CD2BP2: variants seen among roughly 807,000 people sequenced by gnomAD.
The protein encoded by CD2BP2 is CD2 cytoplasmic tail binding protein 2, also known as CD2 antigen cytoplasmic tail-binding protein 2.
CD2BP2 carries 27 observed loss-of-function variants against 35.9 expected under a neutral mutation model. The ratio of observed to expected loss-of-function variants is 0.75; its 90% CI spans 0.55 to 1.04. The LOEUF (loss-of-function observed/expected upper bound fraction) is 1.04, where lower values mean the gene tolerates loss of function less well. Ranked by LOEUF, CD2BP2 falls within the 50% of genes least tolerant of loss-of-function variation. The probability of loss-of-function intolerance (pLI) is 0.00; values close to 1 mark genes in which losing one functional copy is unlikely to be tolerated. For synonymous variants in CD2BP2, 213 were observed against 173.5 expected (o/e 1.23, Z -1.79); for missense variants, 497 against 444.3 (o/e 1.12, Z -1.07).
chr16:30,354,384 C>T lies in CD2BP2; in HGVS notation c.79-62G>A, dbSNP rs565270549. On this transcript the variant is annotated intron_variant, in intron 2 of 6. Transcript: ENST00000305596. ...TACTGGCTACCTCCCCAAATACTTC[C>T]GGATCTGGACCCAAATATTCCCCAA... 9.7e-6 allele frequency: 15 copies of T among 1,551,854 alleles called. No individual in the cohort carries two copies. The East Asian group carries it at 2.9e-4, about 30-fold the overall frequency.
In CD2BP2 at chr16:30,352,433, A is replaced by C. The variant is rs1023122631; in HGVS notation, c.*552T>G. The C allele has an allele frequency of 2.6e-5, 4 of 154,856 alleles. No homozygotes were observed. Among genetic ancestry groups the C allele is most frequent in the African/African-American group, 9.7e-5 (4 of 41,410 alleles). The allele number at this position is 154,856 out of a possible 1,614,324, so 9.6% of individuals were successfully genotyped here. A position where few individuals can be genotyped will look rare whatever the true frequency, so the allele number is the denominator to read the frequency against. ...ACCTTAGGGATCTCGGTCTTGGGCC[A>C]CTCATCCCACTTCTGCCCAGCATCT... On this transcript the variant is annotated 3_prime_UTR_variant, in exon 7 of 7. Transcript: ENST00000305596.
intron 3 of CD2BP2, 46 bp from the exon 4 acceptor site, chr16:30,354,104 G>A (rs777125434): frequency 1.3e-6 from 2 of 1,596,506 alleles, no homozygotes; most frequent in Non-Finnish European, 1.7e-6. Context: ...GGAAAAAAGA[G>A]ACCGGAGCCT....
In CD2BP2 at chr16:30,354,687, G is replaced by C. The variant is rs371622721; in HGVS notation, c.-6C>G. ...GTCACTTTCCTCTTTGGCATGACGG[G>C]GCAAAGAGGTGTTTCTCAAGCTGAG... On this transcript the variant is annotated 5_prime_UTR_variant, in exon 2 of 7. Coordinates refer to ENST00000305596, the MANE Select transcript of CD2BP2 (RefSeq NM_006110.3). 6.2e-7 allele frequency: 1 copy of C among 1,613,744 alleles called. No individual in the cohort carries two copies. The highest frequency in any genetic ancestry group is 8.5e-7 in the Non-Finnish European group (1 of 1,179,758).
rs901293698 is a variant in CD2BP2, at chr16:30,351,816, C to G, written c.*1169G>C. The G allele has an allele frequency of 1.3e-5, 2 of 152,670 alleles. No homozygotes were observed. Among genetic ancestry groups the G allele is most frequent in the Non-Finnish European group, 2.9e-5 (2 of 68,404 alleles). 9.5% of individuals were successfully genotyped at this position (152,670 alleles called of 1,614,324 possible). A position where few individuals can be genotyped will look rare whatever the true frequency, so the allele number is the denominator to read the frequency against. On this transcript the variant is annotated 3_prime_UTR_variant, in exon 7 of 7. Coordinates refer to ENST00000305596, the MANE Select transcript of CD2BP2 (RefSeq NM_006110.3). The stretch of plus-strand genomic sequence containing the variant: ...GGCTCTCTCTCGGCCTGGCTGCAAG[C>G]TGAAAACACCTGGGGGCTTCCAAAA...
In CD2BP2 at chr16:30,355,273, G is replaced by A. The variant is rs960325488; in HGVS notation, c.-88C>T. 7 of 152,466 alleles carry A rather than the reference G, an allele frequency of 4.6e-5. No homozygotes were observed. The highest frequency in any genetic ancestry group is 8.8e-5 in the Non-Finnish European group (6 of 68,146). The allele number at this position is 152,466 out of a possible 1,614,324, so 9.4% of individuals were successfully genotyped here. On this transcript the variant is annotated 5_prime_UTR_variant, in exon 1 of 7. Coordinates refer to ENST00000305596, the MANE Select transcript of CD2BP2 (RefSeq NM_006110.3). Reference sequence around the variant, plus strand: ...AGATGCTTGCGCCAGGGCTACATCCGGGGCACCCGGCCGCCATCACCCGGA... The same window carrying A: ...AGATGCTTGCGCCAGGGCTACATCCAGGGCACCCGGCCGCCATCACCCGGA...
chr16:30,353,038 G>A lies in CD2BP2; in HGVS notation c.973C>T (p.Pro325Ser), dbSNP rs1420785374. The A allele has an allele frequency of 1.2e-6, 2 of 1,614,096 alleles. No individual in the cohort carries two copies. Among genetic ancestry groups the A allele is most frequent in the Non-Finnish European group, 1.7e-6 (2 of 1,179,992 alleles). ...DGVYCRKLDP[P>S]GGQFYNSKRI... ...TTGGAGTTGTAGAACTGACCACCAG[G>A]GGGGTCCAGCTTCCGGCAATAAACA... The change falls in exon 7 of 7, where the codon CCT (proline) becomes TCT (serine). Residue 325 changes from proline (P) to serine (S), a missense_variant. Transcript: ENST00000305596.
At chr16:30,354,362 T>C (rs1197260143) in intron 2 of CD2BP2, 40 bp from the exon 3 acceptor site, 1 of 1,593,664 alleles carries the variant, frequency 6.3e-7, no homozygotes, top group Non-Finnish European at 8.5e-7. Flanking sequence ...TGCAGGTTAC[T>C]GGCTACCTCC....
Position 30,353,115 on chromosome 16 carries a change from C to A in CD2BP2, c.916-20G>T, listed in dbSNP as rs772236118. The A allele has an allele frequency of 1.9e-6, 3 of 1,610,404 alleles. No homozygotes were observed. The highest frequency in any genetic ancestry group is 8.5e-7 in the Non-Finnish European group (1 of 1,176,728). On this transcript the variant is annotated intron_variant, in intron 6 of 6. Transcript: ENST00000305596. ...CCAGGTCTGCAAGGAGAGGGCAGAGCTGGGGAACAACTGACAGGAGTGGGG... is the reference window on the plus strand; with the variant it reads ...CCAGGTCTGCAAGGAGAGGGCAGAGATGGGGAACAACTGACAGGAGTGGGG...
rs779162344 is a variant in CD2BP2 at position 30,353,896 on chromosome 16, C to G, written c.375+5G>C. On this transcript the variant is annotated splice_donor_5th_base_variant and intron_variant, in intron 4 of 6. Coordinates refer to ENST00000305596, the MANE Select transcript of CD2BP2 (RefSeq NM_006110.3). ...GCCCCAGCCACGCCAGCCCCTGGGCCGCACCCAGTCAATGTTGTCCAGCCA... is the reference window on the plus strand; with the variant it reads ...GCCCCAGCCACGCCAGCCCCTGGGCGGCACCCAGTCAATGTTGTCCAGCCA... The G allele has an allele frequency of 1.2e-6, 2 of 1,613,760 alleles. No individual in the cohort carries two copies. Among genetic ancestry groups the G allele is most frequent in the Admixed American group, 1.7e-5 (1 of 60,024 alleles).
At position 30,353,566 on chromosome 16, in the gene CD2BP2, C is replaced by T. The variant is rs776922285; in HGVS notation, c.610G>A (p.Gly204Arg). 25 of 1,614,056 alleles carry T rather than the reference C, an allele frequency of 1.5e-5. No homozygotes were observed. Among genetic ancestry groups the T allele is most frequent in the Admixed American group, 1.5e-4 (9 of 60,006 alleles). Residue 204 changes from glycine (G) to arginine (R), a missense_variant, in exon 5 of 7, where the codon GGG becomes AGG. Transcript: ENST00000305596. ...SSPQRLDRLS[G>R]LADQMVARGN... Reference sequence around the variant, plus strand: ...CGGGCCACCATCTGGTCGGCCAACCCGGAGAGCCGGTCCAGGCGCTGAGGG... The same window carrying T: ...CGGGCCACCATCTGGTCGGCCAACCTGGAGAGCCGGTCCAGGCGCTGAGGG...
chr16:30,354,106 C>G, intron 3 of CD2BP2, 48 bp from the exon 4 acceptor site: 1 of 1,605,416 alleles, frequency 6.2e-7, no homozygotes, highest in African/African-American at 1.4e-5. Context: ...AAAAAAGAGA[C>G]CGGAGCCTCC....
intron 1 of CD2BP2, 140 bp from the exon 2 acceptor site, chr16:30,354,847 C>A: frequency 1.5e-6 from 1 of 685,176 alleles, no homozygotes; most frequent in Non-Finnish European, 2.6e-6. Context: ...CGAAAGGAAG[C>A]TGGCAGCCAG....
chr16:30,354,564 G>T, intron 2 of CD2BP2, 40 bp downstream of exon 2: 1 of 1,592,698 alleles, frequency 6.3e-7, no homozygotes, highest in Non-Finnish European at 8.6e-7. Flanking sequence ...CAGGCTTCTA[G>T]CTCCTCTTTC....
Position 30,352,716 on chromosome 16 carries a change from G to A in CD2BP2, c.*269C>T, listed in dbSNP as rs2049492152. The A allele has an allele frequency of 6.0e-6, 3 of 501,422 alleles. No individual in the cohort carries two copies. The highest frequency in any genetic ancestry group is 3.3e-5 in the Admixed American group (1 of 30,344). 31.1% of individuals were successfully genotyped at this position (501,422 alleles called of 1,614,324 possible). A position where few individuals can be genotyped will look rare whatever the true frequency, so the allele number is the denominator to read the frequency against. On this transcript the variant is annotated 3_prime_UTR_variant, in exon 7 of 7. Coordinates refer to ENST00000305596, the MANE Select transcript of CD2BP2 (RefSeq NM_006110.3). Reference sequence around the variant, plus strand: ...TACACGGCAAGCAGAGTCCAGGCAGGGAGGCCACAGGATACCTGACAGGCA... The same window carrying A: ...TACACGGCAAGCAGAGTCCAGGCAGAGAGGCCACAGGATACCTGACAGGCA...
chr16:30,354,603 C>A lies in CD2BP2; in HGVS notation c.78+1G>T. ...CACACAAAGCAGTCTGGCCCCCTCA[C>A]CTTCTTCTTGGGGACAATGATTTCA... On this transcript the variant is annotated splice_donor_variant, in intron 2 of 6. Coordinates refer to ENST00000305596, the MANE Select transcript of CD2BP2 (RefSeq NM_006110.3). LOFTEE classifies it high-confidence loss of function. 1 of 1,613,756 alleles carries A rather than the reference C, an allele frequency of 6.2e-7. No homozygotes were observed. The highest frequency in any genetic ancestry group is 8.5e-7 in the Non-Finnish European group (1 of 1,179,720).
At position 30,354,253 on chromosome 16, in the gene CD2BP2, C is replaced by T. The variant is rs200106085; in HGVS notation, c.148G>A (p.Asp50Asn). Residue 50 changes from aspartate to asparagine, a missense_variant, in exon 3 of 7, where the codon GAT becomes AAT. Coordinates refer to ENST00000305596, the MANE Select transcript of CD2BP2 (RefSeq NM_006110.3). ...RFKGKHSLDS[D>N]EEEDDDDGGS... ...CCATCATCATCATCCTCCTCCTCAT[C>T]GCTATCCAAAGAGTGTTTGCCTTTA... 13 of 1,614,016 alleles carry T rather than the reference C, an allele frequency of 8.1e-6. No homozygotes were observed. The highest frequency in any genetic ancestry group is 1.3e-5 in the African/African-American group (1 of 74,882).
rs2049492542 is a variant in CD2BP2, at chr16:30,352,747, A to G, written c.*238T>C. 4 of 555,078 alleles carry G rather than the reference A, an allele frequency of 7.2e-6. No homozygotes were observed. The highest frequency in any genetic ancestry group is 6.2e-5 in the East Asian group (2 of 32,508). 34.4% of individuals were successfully genotyped at this position (555,078 alleles called of 1,614,324 possible). On this transcript the variant is annotated 3_prime_UTR_variant, in exon 7 of 7. Coordinates refer to ENST00000305596, the MANE Select transcript of CD2BP2 (RefSeq NM_006110.3). ...CACAGGATACCTGACAGGCACCTCC[A>G]AGAAGGATCTTCATGGGAGTACTCA...
At chr16:30,354,445 C>G in intron 2 of CD2BP2, 123 bp from the exon 3 acceptor site, 2 of 1,386,966 alleles carry the variant, frequency 1.4e-6, no homozygotes, top group Non-Finnish European at 2.0e-6. Flanking sequence ...CCAAATATTT[C>G]AGGAGCCACA....
chr16:30,352,909 C>T lies in CD2BP2; in HGVS notation c.*76G>A, dbSNP rs906931701. On this transcript the variant is annotated 3_prime_UTR_variant, in exon 7 of 7. Coordinates refer to ENST00000305596, the MANE Select transcript of CD2BP2 (RefSeq NM_006110.3). ...ACTGAAAAATGGCCTCCAATTTCCT[C>T]GCTGCCTGAGACACTTGGTGCCTCC... 1.6e-5 allele frequency: 15 copies of T among 930,976 alleles called. No individual in the cohort carries two copies. Among genetic ancestry groups the T allele is most frequent in the Admixed American group, 3.8e-5 (2 of 52,468 alleles). 57.7% of individuals were successfully genotyped at this position (930,976 alleles called of 1,614,324 possible). A position where few individuals can be genotyped will look rare whatever the true frequency, so the allele number is the denominator to read the frequency against.
Sources: allele counts gnomAD v4.1 joint callset, GRCh38; gene constraint gnomAD v4.1.1; transcripts MANE v1.5; gene names NCBI Gene and HGNC (gene_info 2026-07-23, HGNC 2026-07-21).